The following HIVEP3 variants were observed in gnomAD, a reference collection of about 807,000 sequenced individuals.
HIVEP3 encodes HIVEP zinc finger 3.
HIVEP3 carries 49 observed loss-of-function variants against 152.8 expected under a neutral mutation model. That is an observed-to-expected ratio of 0.32 (90% CI 0.26 to 0.41). The LOEUF is 0.41. HIVEP3 is among the 10% of genes least tolerant of loss of function. The probability of loss-of-function intolerance (pLI) is 1.00; values close to 1 mark genes in which losing one functional copy is unlikely to be tolerated. For synonymous variants in HIVEP3, 1,269 were observed against 1,289.0 expected, an observed-to-expected ratio of 0.98 and a Z score of 0.33; for missense variants, 2,790 against 3,103.3, an observed-to-expected ratio of 0.90 and a Z score of 2.40.
intron 1 of HIVEP3, among the ~76,000 whole-genome samples, chr1:41,959,607 C>G (rs1418010738): frequency 6.6e-6 from 1 of 152,158 alleles, no homozygotes; most frequent in Admixed American, 6.6e-5. Context: ...AGGCACTGCC[C>G]TTCGGGAAGT....
At chr1:41,885,584 G>A (rs938924028) in intron 1 of HIVEP3, among the ~76,000 whole-genome samples, 1 of 152,228 alleles carries the variant, frequency 6.6e-6, no homozygotes, top group Non-Finnish European at 1.5e-5. Context: ...AGAATCACTT[G>A]AACCCAAGAG....
intron 2 of HIVEP3, among the ~76,000 whole-genome samples, chr1:41,641,338 G>T (rs540880082): frequency 4.6e-5 from 7 of 152,304 alleles, no homozygotes; most frequent in Non-Finnish European, 7.4e-5. Context: ...CACGACAGCT[G>T]CCCCCTTAGC....
At chr1:41,923,004 G>T (rs1644949412), upstream of HIVEP3, among the ~76,000 whole-genome samples, 1 of 152,046 alleles carries the variant, frequency 6.6e-6, no homozygotes, top group Non-Finnish European at 1.5e-5. Flanking sequence ...AAGAGTCATT[G>T]ATCAAAAAAA....
At chr1:41,595,470 A>G (rs1211369383) in intron 3 of HIVEP3, among the ~76,000 whole-genome samples, 2 of 152,168 alleles carry the variant, frequency 1.3e-5, no homozygotes, top group Admixed American at 1.3e-4. Flanking sequence ...CATGCCGAGA[A>G]AGGAGTCTGG....
intron 1 of HIVEP3, among the ~76,000 whole-genome samples, chr1:41,963,203 C>G (rs1022073524): frequency 5.9e-5 from 9 of 151,912 alleles, no homozygotes; most frequent in Admixed American, 4.6e-4. Context: ...AGTAGAGATG[C>G]GGTTTCACTG....
At chr1:41,768,829 G>A (rs1466846653) in intron 1 of HIVEP3, among the ~76,000 whole-genome samples, 6 of 152,216 alleles carry the variant, frequency 3.9e-5, no homozygotes, top group Non-Finnish European at 5.9e-5. Flanking sequence ...TCTAAAACCC[G>A]CCCTGTTGGC....
chr1:41,989,160 T>C (rs1415860547), intron 1 of HIVEP3, among the ~76,000 whole-genome samples: 2 of 152,188 alleles, frequency 1.3e-5, no homozygotes, highest in African/African-American at 4.8e-5. Flanking sequence ...ATGGTGGTTA[T>C]AGTTAATAAC....
chr1:41,994,774 A>G (rs1272603794), intron 1 of HIVEP3, among the ~76,000 whole-genome samples: 1 of 152,206 alleles, frequency 6.6e-6, no homozygotes, highest in Non-Finnish European at 1.5e-5. Flanking sequence ...TGCAAACTAT[A>G]AAACAACTAT....
intron 1 of HIVEP3, among the ~76,000 whole-genome samples, chr1:41,931,764 A>G (rs6687206): frequency 0.41 from 62,895 of 151,818 alleles, 14,985 homozygotes; most frequent in East Asian, 0.71. Flanking sequence ...TTCAAAGTCC[A>G]TATGTTCATT....
chr1:41,579,770 C>T lies in HIVEP3; in HGVS notation c.5028G>A (p.Val1676=). Residue 1676 remains valine, a synonymous_variant, in exon 4 of 9, where the codon GTG becomes GTA. Coordinates refer to ENST00000372583, the MANE Select transcript of HIVEP3 (RefSeq NM_024503.5). The stretch of plus-strand genomic sequence containing the variant: ...TGCGGGGCTTGCGGGAGCTGGATGG[C>T]ACAAGCCTTCCTGCCTCAGGATGCG... ...TAPHPEAGRL[V]PSSSRKPRMT... is the part of the protein sequence containing the mutation. 1 of 1,598,958 alleles carries T rather than the reference C, an allele frequency of 6.3e-7. No homozygotes were observed. Among genetic ancestry groups the T allele is most frequent in the South Asian group, 1.1e-5 (1 of 89,882 alleles).
chr1:41,823,999 G>A (rs1642685533), intron 1 of HIVEP3, among the ~76,000 whole-genome samples: 1 of 152,186 alleles, frequency 6.6e-6, no homozygotes, highest in African/African-American at 2.4e-5. Context: ...CTGGCTTGTG[G>A]ACTCTGATAA....
intron 7 of HIVEP3, among the ~76,000 whole-genome samples, chr1:41,514,476 G>A (rs72669009): frequency 0.049 from 7,405 of 152,324 alleles, 262 homozygotes; most frequent in Middle Eastern, 0.099. Flanking sequence ...CCGGTGGCTG[G>A]CACAATGGCA....
chr1:41,991,175 G>C (rs1443201634), intron 1 of HIVEP3, among the ~76,000 whole-genome samples: 1 of 151,968 alleles, frequency 6.6e-6, no homozygotes, highest in Non-Finnish European at 1.5e-5. Context: ...AGGAAACAGA[G>C]ACACAAAAAA....
intron 1 of HIVEP3, among the ~76,000 whole-genome samples, chr1:41,816,976 A>G (rs769040159): frequency 3.3e-5 from 5 of 152,180 alleles, no homozygotes; most frequent in African/African-American, 7.2e-5. Context: ...AATCACTTCT[A>G]AGCACATCTT....
At position 41,937,253 on chromosome 1, in the gene HIVEP3, C is replaced by A. The variant is rs192074260; in HGVS notation, n.120-18729G>T. Among the ~76,000 whole-genome samples the A allele has an allele frequency of 1.8e-3, 276 of 152,190 alleles. 1 individual carries two copies. Among genetic ancestry groups the A allele is most frequent in the African/African-American group, 6.1e-3 (255 of 41,510 alleles). ...TTCTATACACAGAGTTCACATGGAG[C>A]CTACCCCTCTCCTGCAGTCCTGGGG... On this transcript the variant is annotated intron_variant and non_coding_transcript_variant, in intron 1 of 3. Transcript: ENST00000489103.
At chr1:41,819,501 A>G (rs1318435420) in intron 1 of HIVEP3, among the ~76,000 whole-genome samples, 3 of 152,096 alleles carry the variant, frequency 2.0e-5, no homozygotes, top group African/African-American at 4.8e-5. Flanking sequence ...TTCTTTACCA[A>G]TATAAATATT....
chr1:41,566,879 T>C (rs1644172253), intron 5 of HIVEP3, among the ~76,000 whole-genome samples: 1 of 152,188 alleles, frequency 6.6e-6, no homozygotes, highest in Non-Finnish European at 1.5e-5. Flanking sequence ...GGATCAGTCC[T>C]GGATGCCTTT....
chr1:41,915,560 A>G lies in HIVEP3; in HGVS notation c.-801+2853T>C, dbSNP rs79035548. ...GAAAGAGGGTATAAAATTTCCTCCA[A>G]TGATCAAAATTCATAAACTGTAGCT... On this transcript the variant is annotated intron_variant, in intron 1 of 8. Transcript: ENST00000372583. Among the ~76,000 whole-genome samples, 1,138 of 152,322 alleles carry G rather than the reference A, an allele frequency of 7.5e-3. 12 individuals are homozygous for G. Among genetic ancestry groups the G allele is most frequent in the East Asian group, 0.055 (284 of 5,190 alleles).
At chr1:41,641,793 C>G (rs1645377786) in intron 2 of HIVEP3, among the ~76,000 whole-genome samples, 1 of 152,154 alleles carries the variant, frequency 6.6e-6, no homozygotes. Context: ...CCTGGCAGGT[C>G]CACTCTTAGT....
Sources: gnomAD v4.1 joint callset for allele counts (sites outside exome capture counted in the v4.1 genomes callset) on GRCh38, gnomAD v4.1.1 for gene constraint, MANE v1.5 for transcripts, NCBI Gene and HGNC (gene_info 2026-07-23, HGNC 2026-07-21) for gene names.